SVIL: variants seen among roughly 807,000 people sequenced by gnomAD.
SVIL encodes the protein supervillin.
In SVIL, 101 loss-of-function variants were observed where a neutral mutation model predicts 240.4. The observed-to-expected ratio is 0.42, with a 90% CI of 0.36 to 0.50. The LOEUF is 0.50. Ranked by LOEUF, SVIL falls within the 20% of genes least tolerant of loss-of-function variation. SVIL has a pLI of 0.01. For missense variants in SVIL, 2,512 were observed against 2,818.7 expected (o/e 0.89, Z 2.46); for synonymous variants, 999 against 1,100.0 (o/e 0.91, Z 1.82).
chr10:29,724,715 T>C (rs1336887632), intron 1 of SVIL, among the ~76,000 whole-genome samples: 2 of 152,148 alleles, frequency 1.3e-5, no homozygotes, highest in African/African-American at 4.8e-5. Context: ...CTTAGCCTTA[T>C]TTTTGGACTT....
At chr10:29,478,832 C>T (rs374267520) in intron 29 of SVIL, among the ~76,000 whole-genome samples, 29 of 142,612 alleles carry the variant, frequency 2.0e-4, no homozygotes, top group Admixed American at 5.9e-4. Flanking sequence ...GGCTGAGGCA[C>T]GAGGATGGCT....
intron 16 of SVIL, among the ~76,000 whole-genome samples, chr10:29,514,271 T>C (rs570672365): frequency 6.6e-6 from 1 of 152,258 alleles, no homozygotes; most frequent in Middle Eastern, 3.4e-3. Flanking sequence ...AGGTCTTCCT[T>C]TGTCACCAGG....
chr10:29,466,049 A>G (rs1280378108), intron 33 of SVIL, among the ~76,000 whole-genome samples: 1 of 152,178 alleles, frequency 6.6e-6, no homozygotes, highest in African/African-American at 2.4e-5. Context: ...TCCTTAATAC[A>G]TGAAGGGACA....
chr10:29,524,764 C>T (rs765409402), intron 13 of SVIL, 49 bp from the exon 14 acceptor site: 68 of 1,603,214 alleles, frequency 4.2e-5, no homozygotes, highest in Admixed American at 1.0e-4. Context: ...AACAAAAGCA[C>T]ACCGCTAAGT....
intron 17 of SVIL, among the ~76,000 whole-genome samples, chr10:29,503,722 T>G (rs1949066074): frequency 3.9e-5 from 6 of 152,244 alleles, no homozygotes; most frequent in Admixed American, 3.9e-4. Flanking sequence ...TATATGGAGA[T>G]ATATTCCATG....
At chr10:29,526,433 T>TAG (rs1205126350) in intron 13 of SVIL, among the ~76,000 whole-genome samples, 14 of 151,708 alleles carry the variant, frequency 9.2e-5, no homozygotes, top group Non-Finnish European at 2.1e-4. Context: ...GTCTCCCAAG[T>TAG]AGCTAGGATT....
At chr10:29,685,196 T>A (rs1960970497) in intron 2 of SVIL, among the ~76,000 whole-genome samples, 1 of 152,214 alleles carries the variant, frequency 6.6e-6, no homozygotes, top group Non-Finnish European at 1.5e-5. Flanking sequence ...CCTGCATTAG[T>A]TTGCTAAGGA....
intron 3 of SVIL, among the ~76,000 whole-genome samples, chr10:29,653,550 A>G (rs899100912): frequency 6.6e-6 from 1 of 152,064 alleles, no homozygotes; most frequent in Non-Finnish European, 1.5e-5. Flanking sequence ...TTGCTGCACA[A>G]AGTTTTCTAA....
At chr10:29,507,551 A>C (rs1949464659) in intron 17 of SVIL, among the ~76,000 whole-genome samples, 2 of 118,994 alleles carry the variant, frequency 1.7e-5, no homozygotes, top group Non-Finnish European at 3.6e-5. Context: ...TCACAGATAC[A>C]CACTCATAGA....
upstream of SVIL, among the ~76,000 whole-genome samples, chr10:29,635,354 A>C (rs1958272411): frequency 6.6e-6 from 1 of 152,232 alleles, no homozygotes; most frequent in South Asian, 2.1e-4. Context: ...AGACATACAC[A>C]TCTATGAAAC....
intron 3 of SVIL, among the ~76,000 whole-genome samples, chr10:29,657,448 A>G (rs534377113): frequency 6.6e-6 from 1 of 152,308 alleles, no homozygotes; most frequent in South Asian, 2.1e-4. Flanking sequence ...GCATAGACCC[A>G]TCCTCTGACC....
At chr10:29,729,187 A>C in intron 1 of SVIL, among the ~76,000 whole-genome samples, 1 of 152,136 alleles carries the variant, frequency 6.6e-6, no homozygotes, top group East Asian at 1.9e-4. Context: ...AAGGACCATG[A>C]TGTTGGGGGG....
At position 29,656,769 on chromosome 10, in the gene SVIL, C is replaced by T. The variant is rs1210391285; in HGVS notation, c.-201+1200G>A. On this transcript the variant is annotated intron_variant, in intron 3 of 35. Coordinates refer to the SVIL transcript ENST00000375400. Reference sequence around the variant, plus strand: ...ATTTGAGACTGAGCTCCCATCTCCTCGGCTGCAGCACCCAATTAAAGCCTT... The same window carrying T: ...ATTTGAGACTGAGCTCCCATCTCCTTGGCTGCAGCACCCAATTAAAGCCTT... Among the ~76,000 whole-genome samples the T allele has an allele frequency of 3.9e-5, 6 of 152,292 alleles. No homozygotes were observed. In the East Asian group the frequency reaches 5.8e-4, roughly 15 times the overall value.
At chr10:29,632,095 G>A (rs1379676300) in intron 1 of SVIL, among the ~76,000 whole-genome samples, 3 of 152,132 alleles carry the variant, frequency 2.0e-5, no homozygotes, top group South Asian at 2.1e-4. Flanking sequence ...TCTCCATAAC[G>A]CTCCATGTAG....
intron 3 of SVIL, among the ~76,000 whole-genome samples, chr10:29,644,254 GT>G (rs907023431): frequency 3.9e-5 from 6 of 152,126 alleles, no homozygotes; most frequent in African/African-American, 1.4e-4. Context: ...CATGTGGTTT[GT>G]TTGGCTGATT....
chr10:29,500,209 G>A (rs1404744165), intron 17 of SVIL, among the ~76,000 whole-genome samples: 14 of 152,182 alleles, frequency 9.2e-5, no homozygotes, highest in Admixed American at 9.2e-4. Flanking sequence ...GAAGAGTGTA[G>A]GTGGTGGTCG....
intron 1 of SVIL, among the ~76,000 whole-genome samples, chr10:29,585,553 T>C (rs996815189): frequency 2.6e-5 from 4 of 152,088 alleles, no homozygotes; most frequent in Non-Finnish European, 5.9e-5. Context: ...GCAGCAGATA[T>C]AAGCAATGAA....
chr10:29,491,997 G>A (rs1291085524), intron 21 of SVIL, among the ~76,000 whole-genome samples: 1 of 152,226 alleles, frequency 6.6e-6, no homozygotes, highest in Non-Finnish European at 1.5e-5. Flanking sequence ...ATCAGGAGCA[G>A]CTTGTAGAAA....
At chr10:29,574,039 G>A (rs4749460) in intron 1 of SVIL, among the ~76,000 whole-genome samples, 20,760 of 152,040 alleles carry the variant, frequency 0.14, 1,728 homozygotes, top group East Asian at 0.27. Flanking sequence ...TTAACCGAGC[G>A]CTGATGGTGG....
Sources: gnomAD v4.1 joint callset for allele counts (sites outside exome capture counted in the v4.1 genomes callset) on GRCh38, gnomAD v4.1.1 for gene constraint, MANE v1.5 for transcripts, NCBI Gene and HGNC (gene_info 2026-07-23, HGNC 2026-07-21) for gene names.